Variants in GPR160 observed in about 807,000 individuals in gnomAD.
GPR160 encodes probable G protein-coupled receptor 160.
In GPR160, 2 loss-of-function variants were observed where a neutral mutation model predicts 2.6. The observed-to-expected ratio is 0.77, with a 90% confidence interval of 0.32 to 2.44. The LOEUF (loss-of-function observed/expected upper bound fraction) is 2.44. Among genes scored for constraint, GPR160 ranks in the 30% most tolerant of loss-of-function variants. GPR160 has a pLI of 0.11. For synonymous variants in GPR160, 130 were observed against 132.2 expected (o/e 0.98, Z 0.12); for missense variants, 351 against 383.6 (o/e 0.91, Z 0.71).
At chr3:170,062,950 C>A in intron 2 of GPR160, 1 of 304,772 alleles carries the variant, frequency 3.3e-6, no homozygotes, top group Non-Finnish European at 6.2e-6. Context: ...AGATCACCGA[C>A]GCCACGGGAC....
At chr3:170,042,271 A>ATTAGCCAG (rs1034399851) in intron 2 of GPR160, among the ~76,000 whole-genome samples, 1 of 151,848 alleles carries the variant, frequency 6.6e-6, no homozygotes, top group Non-Finnish European at 1.5e-5. Flanking sequence ...ATAAATAAAA[A>ATTAGCCAG]TTAGCCAGGT....
chr3:170,052,980 A>T (rs1576893873), intron 2 of GPR160, among the ~76,000 whole-genome samples: 1 of 152,144 alleles, frequency 6.6e-6, no homozygotes, highest in South Asian at 2.1e-4. Flanking sequence ...CCTTTCCTCC[A>T]TTGAATTGCA....
intron 2 of GPR160, among the ~76,000 whole-genome samples, chr3:170,074,409 A>C (rs1319073923): frequency 6.6e-6 from 1 of 151,952 alleles, no homozygotes; most frequent in Non-Finnish European, 1.5e-5. Context: ...TCCCCTAAAG[A>C]AGCAGTTTTG....
At chr3:170,056,595 T>C (rs16854812) in intron 2 of GPR160, among the ~76,000 whole-genome samples, 20,820 of 152,218 alleles carry the variant, frequency 0.14, 1,517 homozygotes, top group Middle Eastern at 0.18. Context: ...GAGGTCAGTC[T>C]GGGAACCATT....
At chr3:170,049,090 C>T (rs1716849672) in intron 2 of GPR160, among the ~76,000 whole-genome samples, 1 of 152,190 alleles carries the variant, frequency 6.6e-6, no homozygotes, top group Non-Finnish European at 1.5e-5. Context: ...CCTCCTGTCT[C>T]CCTTAACGTA....
chr3:170,078,292 C>T (rs558393697), intron 2 of GPR160, among the ~76,000 whole-genome samples: 42 of 152,138 alleles, frequency 2.8e-4, no homozygotes, highest in Non-Finnish European at 4.9e-4. Context: ...GAACCATCAT[C>T]TACCTTACTG....
At chr3:170,071,790 T>G (rs1008429969) in intron 2 of GPR160, among the ~76,000 whole-genome samples, 1 of 152,156 alleles carries the variant, frequency 6.6e-6, no homozygotes, top group Non-Finnish European at 1.5e-5. Context: ...AGCAAGACTC[T>G]GTATCACCAA....
chr3:170,069,587 AT>A (rs376313290), intron 2 of GPR160, among the ~76,000 whole-genome samples: 1 of 151,748 alleles, frequency 6.6e-6, no homozygotes, highest in East Asian at 1.9e-4. Flanking sequence ...AGATTTGTAC[AT>A]TTTTTTTAAA....
At chr3:170,048,824 G>A (rs1716839354) in intron 2 of GPR160, among the ~76,000 whole-genome samples, 1 of 152,130 alleles carries the variant, frequency 6.6e-6, no homozygotes, top group Admixed American at 6.5e-5. Flanking sequence ...CTCCATGCGT[G>A]GCCTGTCGGC....
intron 2 of GPR160, among the ~76,000 whole-genome samples, chr3:170,060,451 A>G (rs989751027): frequency 6.6e-6 from 1 of 152,224 alleles, no homozygotes; most frequent in African/African-American, 2.4e-5. Flanking sequence ...TTAATTACAA[A>G]GGGAAAAGGT....
chr3:170,057,408 A>C (rs1711701065), intron 2 of GPR160: 2 of 152,222 alleles, frequency 1.3e-5, no homozygotes, highest in African/African-American at 4.8e-5. Context: ...TGGCACTGGC[A>C]ATTTTTGAGA....
At chr3:170,056,712 G>A (rs764305039) in intron 2 of GPR160, among the ~76,000 whole-genome samples, 8 of 152,260 alleles carry the variant, frequency 5.3e-5, no homozygotes, top group Middle Eastern at 3.4e-3. Context: ...ATGGGGTACC[G>A]TATTTATAAA....
chr3:170,063,937 A>G (rs1320600826), intron 2 of GPR160, among the ~76,000 whole-genome samples: 1 of 152,156 alleles, frequency 6.6e-6, no homozygotes, highest in Admixed American at 6.6e-5. Flanking sequence ...GACGTGGGTG[A>G]GGAGAGTGTG....
chr3:170,062,518 C>T, intron 2 of GPR160: 1 of 646,604 alleles, frequency 1.5e-6, no homozygotes, highest in South Asian at 1.6e-5. Flanking sequence ...AAGAATGCAA[C>T]ACGGAGCACG....
At chr3:170,075,498 C>T (rs1712806239) in intron 2 of GPR160, among the ~76,000 whole-genome samples, 1 of 152,178 alleles carries the variant, frequency 6.6e-6, no homozygotes, top group Admixed American at 6.5e-5. Context: ...TTATTTCTTG[C>T]TCATACTATA....
At chr3:170,042,020 A>G (rs1276579243) in intron 2 of GPR160, among the ~76,000 whole-genome samples, 1 of 152,200 alleles carries the variant, frequency 6.6e-6, no homozygotes, top group Non-Finnish European at 1.5e-5. Flanking sequence ...CGCATTAGAA[A>G]AGCAAATGGC....
chr3:170,044,547 G>C (rs748361697), intron 2 of GPR160, among the ~76,000 whole-genome samples: 5 of 152,158 alleles, frequency 3.3e-5, no homozygotes, highest in African/African-American at 4.8e-5. Flanking sequence ...TAGGGAAAAG[G>C]AATGGCTCCA....
At chr3:170,072,169 G>A (rs1053787564) in intron 2 of GPR160, among the ~76,000 whole-genome samples, 1 of 150,738 alleles carries the variant, frequency 6.6e-6, no homozygotes, top group Non-Finnish European at 1.5e-5. Flanking sequence ...CCACTTCCCG[G>A]GTTCAAGCGA....
rs1250961196 is a variant in GPR160 at position 170,065,721 on chromosome 3, A to C, written c.-192-14053A>C. ...TAAAAAGCTTTTTAAAGTAAACTAA[A>C]TACTTAAATTATTTGTGTAATTGAG... is the stretch of plus-strand genomic sequence containing the variant. On this transcript the variant is annotated intron_variant, in intron 2 of 3. Transcript: ENST00000355897. 2.0e-5 allele frequency among the ~76,000 whole-genome samples: 3 copies of C among 152,226 alleles called. No homozygotes were observed. In the East Asian group the frequency reaches 5.8e-4, roughly 29 times the overall value.
Sources: gnomAD v4.1 joint callset for allele counts (sites outside exome capture counted in the v4.1 genomes callset) on GRCh38, gnomAD v4.1.1 for gene constraint, MANE v1.5 for transcripts, NCBI Gene and HGNC (gene_info 2026-07-23, HGNC 2026-07-21) for gene names.